The following SLC28A3 variants were observed in gnomAD, a reference collection of about 807,000 sequenced individuals.
SLC28A3 encodes the protein solute carrier family 28 member 3.
SLC28A3 carries 68 observed loss-of-function variants against 84.2 expected under a neutral mutation model. That is an observed-to-expected ratio of 0.81 (90% CI 0.66 to 0.99). The LOEUF (loss-of-function observed/expected upper bound fraction) is 0.99, where lower values mean the gene tolerates loss of function less well. Ranked by LOEUF, SLC28A3 falls within the 50% of genes least tolerant of loss-of-function variation. The probability of loss-of-function intolerance (pLI) is 0.00; values close to 1 mark genes in which losing one functional copy is unlikely to be tolerated. For synonymous variants in SLC28A3, 267 were observed against 303.6 expected (o/e 0.88, Z 1.25); for missense variants, 712 against 841.5 (o/e 0.85, Z 1.90).
chr9:84,302,425 T>A lies in SLC28A3; in HGVS notation c.335-36A>T, dbSNP rs764115708. On this transcript the variant is annotated intron_variant, in intron 4 of 17. Coordinates refer to ENST00000376238, the MANE Select transcript of SLC28A3 (RefSeq NM_001199633.2). ...AGCAAAAACAGACACTGAACATCAC[T>A]AACCACTGGGACACGCCTCCAGGCT... The A allele has an allele frequency of 4.4e-6, 7 of 1,598,052 alleles. No homozygotes were observed. The African/African-American group carries it at 5.4e-5, about 12-fold the overall frequency.
At chr9:84,363,804 G>A in the SLC28A3 span, among the ~76,000 whole-genome samples, 1 of 151,990 alleles carries the variant, frequency 6.6e-6, no homozygotes, top group African/African-American at 2.4e-5. Flanking sequence ...TGCCCAGGCT[G>A]GTCTTGAACC....
the SLC28A3 span, among the ~76,000 whole-genome samples, chr9:84,346,405 A>T: frequency 6.6e-6 from 1 of 152,258 alleles, no homozygotes; most frequent in Non-Finnish European, 1.5e-5. Context: ...AGGAGTAAAG[A>T]GAAAATTTGT....
At chr9:84,299,451 C>T (rs557384014) in intron 6 of SLC28A3, 130 bp downstream of exon 6, 293 of 1,190,008 alleles carry the variant, frequency 2.5e-4, no homozygotes, top group Non-Finnish European at 3.1e-4. Context: ...ACCCTGGTCA[C>T]GTTAAATAAT....
intron 1 of SLC28A3, among the ~76,000 whole-genome samples, chr9:84,338,138 T>C (rs1218688276): frequency 6.6e-6 from 1 of 152,166 alleles, no homozygotes; most frequent in East Asian, 1.9e-4. Context: ...CTTAGTAAAA[T>C]TAGAACTTTG....
At chr9:84,310,464 A>G (rs1825951925) in intron 2 of SLC28A3, 1 of 985,392 alleles carries the variant, frequency 1.0e-6, no homozygotes, top group Non-Finnish European at 1.2e-6. Flanking sequence ...TCTTGTAACC[A>G]ATGGTACAGA....
rs1409357552 is a variant in SLC28A3 at position 84,275,935 on chromosome 9, A to G, written c.*2283T>C. The G allele has an allele frequency of 1.2e-4, 19 of 152,224 alleles. No homozygotes were observed. Among genetic ancestry groups the G allele is most frequent in the Non-Finnish European group, 1.5e-5 (1 of 68,054 alleles). The allele number at this position is 152,224 out of a possible 1,614,324, so 9.4% of individuals were successfully genotyped here. On this transcript the variant is annotated 3_prime_UTR_variant, in exon 18 of 18. Transcript: ENST00000376238. ...CAAAGCAGGTAAAAATTAAGACAACATATTTCTCCAAAAACCAGTCTGACA... is the reference window on the plus strand; with the variant it reads ...CAAAGCAGGTAAAAATTAAGACAACGTATTTCTCCAAAAACCAGTCTGACA...
At chr9:84,333,185 G>C (rs1826851066) in intron 1 of SLC28A3, among the ~76,000 whole-genome samples, 1 of 152,168 alleles carries the variant, frequency 6.6e-6, no homozygotes, top group Admixed American at 6.5e-5. Context: ...AGATAATACA[G>C]ACGAAATGGG....
At chr9:84,326,082 A>G (rs944031654) in intron 1 of SLC28A3, among the ~76,000 whole-genome samples, 4 of 152,294 alleles carry the variant, frequency 2.6e-5, no homozygotes, top group Admixed American at 1.3e-4. Flanking sequence ...TGTATCTGCA[A>G]TCATAAGAGA....
chr9:84,342,140 A>AAAAAG (rs1224675061), upstream of SLC28A3, among the ~76,000 whole-genome samples: 3 of 133,038 alleles, frequency 2.3e-5, no homozygotes, highest in African/African-American at 1.1e-4. Flanking sequence ...AAAAAAAAAA[A>AAAAAG]AAAAGAAAAG....
chr9:84,323,636 G>A (rs1026943340), intron 1 of SLC28A3, among the ~76,000 whole-genome samples: 5 of 151,956 alleles, frequency 3.3e-5, no homozygotes, highest in Non-Finnish European at 5.9e-5. Flanking sequence ...TGTTGGCCAG[G>A]CTGGTCTCGA....
chr9:84,340,806 T>C (rs1257546618), upstream of SLC28A3: 7 of 526,780 alleles, frequency 1.3e-5, no homozygotes, highest in African/African-American at 3.9e-5. Flanking sequence ...GACACCTGGT[T>C]GGGGTGGGGC....
At chr9:84,332,543 A>G (rs1157477307) in intron 1 of SLC28A3, among the ~76,000 whole-genome samples, 14 of 152,192 alleles carry the variant, frequency 9.2e-5, no homozygotes, top group Admixed American at 8.5e-4. Context: ...ATAATTGGAA[A>G]AACCCATGAA....
the SLC28A3 span, among the ~76,000 whole-genome samples, chr9:84,366,705 T>G: frequency 7.0e-3 from 1,062 of 152,252 alleles, 12 homozygotes; most frequent in African/African-American, 0.024. Context: ...AAGCAGAGAC[T>G]CTTGTTCTCT....
intron 1 of SLC28A3, among the ~76,000 whole-genome samples, chr9:84,323,585 C>T (rs144062368): frequency 6.6e-5 from 10 of 151,880 alleles, no homozygotes; most frequent in African/African-American, 1.9e-4. Context: ...CCACTGTGCC[C>T]GGCTAATTTT....
chr9:84,309,220 A>C (rs1484782641), intron 3 of SLC28A3, among the ~76,000 whole-genome samples: 4 of 151,952 alleles, frequency 2.6e-5, no homozygotes, highest in African/African-American at 9.7e-5. Context: ...AATTATAATA[A>C]GTGTTAAAAA....
In SLC28A3 at chr9:84,281,653, A is replaced by C. The variant is rs185834041; in HGVS notation, c.1648-771T>G. Among the ~76,000 whole-genome samples the C allele has an allele frequency of 2.6e-5, 4 of 152,358 alleles. No individual in the cohort carries two copies. In the East Asian group the frequency reaches 7.7e-4, roughly 29 times the overall value. On this transcript the variant is annotated intron_variant, in intron 14 of 17. Coordinates refer to ENST00000376238, the MANE Select transcript of SLC28A3 (RefSeq NM_001199633.2). ...GGAGAAACAAAAACACATGCCACAA[A>C]AAGATTGTACATAAATATATATGGC...
intron 1 of SLC28A3, among the ~76,000 whole-genome samples, chr9:84,338,063 A>T (rs1029093930): frequency 3.9e-5 from 6 of 152,256 alleles, no homozygotes; most frequent in African/African-American, 1.4e-4. Context: ...CACCTGCACC[A>T]GGTCTTACAG....
chr9:84,363,958 T>A, the SLC28A3 span, among the ~76,000 whole-genome samples: 7 of 152,162 alleles, frequency 4.6e-5, no homozygotes, highest in African/African-American at 1.4e-4. Flanking sequence ...TTTAAAAAAA[T>A]TTATCTTTAA....
intron 1 of SLC28A3, among the ~76,000 whole-genome samples, chr9:84,316,432 G>C (rs923314721): frequency 1.3e-5 from 2 of 152,202 alleles, no homozygotes; most frequent in South Asian, 4.1e-4. Flanking sequence ...ATGGCTGGCA[G>C]GTGCACTTGT....
Sources: gnomAD v4.1 joint callset for allele counts (sites outside exome capture counted in the v4.1 genomes callset) on GRCh38, gnomAD v4.1.1 for gene constraint, MANE v1.5 for transcripts, NCBI Gene and HGNC (gene_info 2026-07-23, HGNC 2026-07-21) for gene names.